The following L3MBTL3 variants were observed in gnomAD, a reference collection of about 807,000 sequenced individuals.
L3MBTL3 encodes the protein L3MBTL histone methyl-lysine binding protein 3, also known as lethal(3)malignant brain tumor-like protein 3.
Under a neutral mutation model 102.3 loss-of-function variants are expected in L3MBTL3, and 27 were observed. That is an observed-to-expected ratio of 0.26 (90% CI 0.19 to 0.36). L3MBTL3 has a LOEUF of 0.36. L3MBTL3 is among the 10% of genes least tolerant of loss of function. L3MBTL3 has a pLI of 1.00. For missense variants in L3MBTL3, 798 were observed against 955.3 expected, an observed-to-expected ratio of 0.84 and a Z score of 2.17; for synonymous variants, 340 against 320.9, an observed-to-expected ratio of 1.06 and a Z score of -0.64.
intron 18 of L3MBTL3, among the ~76,000 whole-genome samples, chr6:130,099,732 A>G (rs545806091): frequency 6.6e-6 from 1 of 152,232 alleles, no homozygotes; most frequent in Non-Finnish European, 1.5e-5. Context: ...TTGTTTTTAA[A>G]GCCATCAGAT....
intron 22 of L3MBTL3, chr6:130,137,533 C>A (rs1227764980): frequency 6.6e-6 from 1 of 151,942 alleles, no homozygotes; most frequent in African/African-American, 2.4e-5. Context: ...GTGTATGTAA[C>A]CTTATAAATA....
chr6:130,055,463 T>G (rs1377721681), intron 8 of L3MBTL3, among the ~76,000 whole-genome samples: 2 of 131,168 alleles, frequency 1.5e-5, no homozygotes, highest in Non-Finnish European at 3.5e-5. Flanking sequence ...ATGAGAACTG[T>G]CTTCCTCCCT....
At chr6:130,046,015 G>A (rs977692118) in intron 3 of L3MBTL3, among the ~76,000 whole-genome samples, 1 of 152,236 alleles carries the variant, frequency 6.6e-6, no homozygotes, top group Non-Finnish European at 1.5e-5. Context: ...CTCAGCGCCA[G>A]CTGTAAGAAC....
intron 2 of L3MBTL3, among the ~76,000 whole-genome samples, chr6:130,025,617 G>A (rs1281955333): frequency 6.6e-6 from 1 of 152,130 alleles, no homozygotes. Context: ...GGGTGATCTT[G>A]GATGAGGGAA....
chr6:130,134,015 T>C (rs562534995), intron 22 of L3MBTL3, 110 bp downstream of exon 22: 18 of 823,178 alleles, frequency 2.2e-5, no homozygotes, highest in Admixed American at 1.6e-4. Flanking sequence ...ATGGGGTGTG[T>C]TGAAATTGAC....
At position 130,060,067 on chromosome 6, in the gene L3MBTL3, T is replaced by C; in HGVS notation, c.791T>C (p.Phe264Ser). Reference protein sequence around the residue: ...HQSFPYNKNGFKVGMKLEGVD... With the variant: ...HQSFPYNKNGSKVGMKLEGVD... ...TCCTTTCCATATAACAAAAATGGAT[T>C]CAAAGTTGGCATGAAATTAGAAGGC... Residue 264 changes from phenylalanine to serine, a missense_variant, in exon 10 of 23, where the codon TTC (phenylalanine) becomes TCC (serine). Physicochemically the swap from Phe to Ser is radical, Grantham distance 155 (BLOSUM62 -2). Coordinates refer to ENST00000361794, the MANE Select transcript of L3MBTL3 (RefSeq NM_032438.4). 1 of 1,613,632 alleles carries C rather than the reference T, an allele frequency of 6.2e-7. No individual in the cohort carries two copies.
intron 5 of L3MBTL3, 32 bp from the exon 6 acceptor site, chr6:130,051,217 T>A (rs771544641): frequency 1.5e-5 from 23 of 1,575,748 alleles, no homozygotes; most frequent in Non-Finnish European, 1.8e-5. Context: ...CTGTCATGGT[T>A]GTAATTTGCA....
chr6:130,122,021 G>T (rs1786251832), intron 20 of L3MBTL3, among the ~76,000 whole-genome samples: 1 of 152,212 alleles, frequency 6.6e-6, no homozygotes, highest in Admixed American at 6.5e-5. Context: ...ACTCTAGTCT[G>T]AGCTACAGAG....
intron 16 of L3MBTL3, among the ~76,000 whole-genome samples, chr6:130,089,465 A>G (rs919741299): frequency 5.3e-5 from 8 of 152,036 alleles, no homozygotes; most frequent in African/African-American, 1.9e-4. Context: ...CCAGTCTATC[A>G]TTGATGGACA....
Position 130,042,751 on chromosome 6 carries a change from G to A in L3MBTL3, c.52G>A (p.Val18Ile), listed in dbSNP as rs1348409851. 1.2e-6 allele frequency: 2 copies of A among 1,613,802 alleles called. No homozygotes were observed. The highest frequency in any genetic ancestry group is 1.7e-6 in the Non-Finnish European group (2 of 1,179,758). Residue 18 changes from valine (V) to isoleucine (I), a missense_variant, in exon 3 of 23, where the codon GTT becomes ATT. Transcript: ENST00000361794. ...TGGTCAAGAGTTTGATGTGTTCAGTGTTATGGACTGGAAAGATGGAGTGGG... is the reference window on the plus strand; with the variant it reads ...TGGTCAAGAGTTTGATGTGTTCAGTATTATGGACTGGAAAGATGGAGTGGG... Reference protein sequence around the residue: ...TSGQEFDVFSVMDWKDGVGTL... With the variant: ...TSGQEFDVFSIMDWKDGVGTL...
chr6:130,095,109 A>G (rs1268172182), intron 18 of L3MBTL3, among the ~76,000 whole-genome samples: 3 of 152,212 alleles, frequency 2.0e-5, no homozygotes, highest in African/African-American at 7.2e-5. Context: ...GAATAAATGT[A>G]TCACCTATTT....
intron 1 of L3MBTL3, among the ~76,000 whole-genome samples, chr6:130,019,831 C>A (rs1272570559): frequency 6.8e-6 from 1 of 147,614 alleles, no homozygotes; most frequent in African/African-American, 2.5e-5. Context: ...GGAAGCGAGG[C>A]GGCGCGGGCC....
At chr6:130,123,658 A>G (rs1786393703) in intron 20 of L3MBTL3, among the ~76,000 whole-genome samples, 1 of 152,196 alleles carries the variant, frequency 6.6e-6, no homozygotes, top group African/African-American at 2.4e-5. Context: ...TTCTTTTAAC[A>G]TCTTTCTTAG....
intron 3 of L3MBTL3, among the ~76,000 whole-genome samples, chr6:130,045,447 A>G (rs961990601): frequency 1.3e-5 from 2 of 152,154 alleles, no homozygotes; most frequent in African/African-American, 4.8e-5. Flanking sequence ...CTCTACCTGC[A>G]TCTTTTTATT....
chr6:130,081,552 G>A (rs1422323532), intron 14 of L3MBTL3, among the ~76,000 whole-genome samples: 6 of 151,376 alleles, frequency 4.0e-5, no homozygotes, highest in African/African-American at 1.5e-4. Context: ...CTGAGTAGCT[G>A]GGACTACAGG....
At chr6:130,042,619 A>C in intron 2 of L3MBTL3, 66 bp from the exon 3 acceptor site, 4 of 904,270 alleles carry the variant, frequency 4.4e-6, no homozygotes, top group Non-Finnish European at 5.5e-6. Context: ...TGAACTAACG[A>C]GTACTAAATT....
At chr6:130,053,667 G>C (rs370463659) in intron 7 of L3MBTL3, among the ~76,000 whole-genome samples, 159 of 151,980 alleles carry the variant, frequency 1.0e-3, no homozygotes, top group African/African-American at 3.7e-3. Flanking sequence ...TATCTGAGTG[G>C]TTAAAAAATG....
At chr6:130,054,470 G>C (rs778077526) in intron 7 of L3MBTL3, among the ~76,000 whole-genome samples, 1 of 152,332 alleles carries the variant, frequency 6.6e-6, no homozygotes. Flanking sequence ...ACGTAAGAAG[G>C]CTGAAGATGA....
At chr6:130,136,419 G>C (rs1218631326) in intron 22 of L3MBTL3, among the ~76,000 whole-genome samples, 2 of 152,050 alleles carry the variant, frequency 1.3e-5, no homozygotes, top group African/African-American at 4.8e-5. Context: ...TGATTGTCCA[G>C]GCTTGCTCCC....
Sources: allele counts gnomAD v4.1 joint callset (sites outside exome capture counted in the v4.1 genomes callset), GRCh38; gene constraint gnomAD v4.1.1; transcripts MANE v1.5; gene names NCBI Gene and HGNC (gene_info 2026-07-23, HGNC 2026-07-21).